EPC1: variants seen among roughly 807,000 people sequenced by gnomAD.
EPC1 encodes the protein enhancer of polycomb 1.
EPC1 carries 12 observed loss-of-function variants against 98.4 expected under a neutral mutation model. That is an observed-to-expected ratio of 0.12 (90% confidence interval 0.08 to 0.20). EPC1 has a LOEUF of 0.20. Ranked by LOEUF, EPC1 falls within the 10% of genes least tolerant of loss-of-function variation. The pLI is 1.00. For missense variants in EPC1, 729 were observed against 990.5 expected (o/e 0.74, Z 3.54); for synonymous variants, 357 against 363.9 (o/e 0.98, Z 0.21).
At chr10:32,359,494 A>C (rs1839377953) in intron 1 of EPC1, among the ~76,000 whole-genome samples, 1 of 152,244 alleles carries the variant, frequency 6.6e-6, no homozygotes, top group South Asian at 2.1e-4. Flanking sequence ...TGAAAGCTGT[A>C]GTTTCCCCAT....
At chr10:32,369,025 A>T (rs1261580383) in intron 1 of EPC1, among the ~76,000 whole-genome samples, 1 of 152,224 alleles carries the variant, frequency 6.6e-6, no homozygotes, top group African/African-American at 2.4e-5. Context: ...GTGTTCTCCT[A>T]ATGTCTGCAA....
At chr10:32,378,426 G>GAAA in intron 1 of EPC1, 1 of 1,364,880 alleles carries the variant, frequency 7.3e-7, no homozygotes, top group Non-Finnish European at 1.0e-6. Flanking sequence ...GAAACACAAT[G>GAAA]AAAATCCTTT....
At chr10:32,332,509 G>A (rs1217390307) in intron 1 of EPC1, among the ~76,000 whole-genome samples, 4 of 152,154 alleles carry the variant, frequency 2.6e-5, no homozygotes, top group South Asian at 4.1e-4. Flanking sequence ...AAAGACTTGC[G>A]TGCTGTCTTA....
intron 1 of EPC1, among the ~76,000 whole-genome samples, chr10:32,341,013 T>C (rs1417707769): frequency 1.3e-5 from 2 of 152,218 alleles, no homozygotes; most frequent in East Asian, 1.9e-4. Context: ...TGAAAGTATG[T>C]CATACTTTCA....
intron 6 of EPC1, among the ~76,000 whole-genome samples, chr10:32,288,120 A>C (rs1018165886): frequency 6.6e-6 from 1 of 152,156 alleles, no homozygotes; most frequent in African/African-American, 2.4e-5. Flanking sequence ...GTAGTTTATG[A>C]CATTATGGTT....
In EPC1 at chr10:32,317,983, C is replaced by T. The variant is rs548342376; in HGVS notation, c.154-12052G>A. 1.8e-4 allele frequency among the ~76,000 whole-genome samples: 28 copies of T among 152,236 alleles called. No individual in the cohort carries two copies. In the East Asian group the frequency reaches 5.4e-3, roughly 29 times the overall value. Reference sequence around the variant, plus strand: ...GACTGAGTAGCACAATAACAGGTGGCCCAGACATGAAGTTTCATTCTGATT... The same window carrying T: ...GACTGAGTAGCACAATAACAGGTGGTCCAGACATGAAGTTTCATTCTGATT... On this transcript the variant is annotated intron_variant, in intron 1 of 13. Transcript: ENST00000319778.
chr10:32,269,800 G>A (rs750349274), intron 13 of EPC1, among the ~76,000 whole-genome samples: 16 of 152,206 alleles, frequency 1.1e-4, no homozygotes, highest in Admixed American at 2.0e-4. Flanking sequence ...GCATTAAGCA[G>A]ACAATGACTG....
chr10:32,370,170 C>T (rs1839707068), intron 1 of EPC1, among the ~76,000 whole-genome samples: 1 of 152,160 alleles, frequency 6.6e-6, no homozygotes, highest in Non-Finnish European at 1.5e-5. Flanking sequence ...AGAGGAGTTA[C>T]AGGGCTGGTT....
chr10:32,355,824 TG>T (rs35914819), intron 1 of EPC1, among the ~76,000 whole-genome samples: 16,189 of 152,198 alleles, frequency 0.11, 947 homozygotes, highest in Admixed American at 0.13. Flanking sequence ...TTGGCCAGGC[TG>T]GTCTTGAACT....
chr10:32,331,777 A>G (rs539097873), intron 1 of EPC1, among the ~76,000 whole-genome samples: 37 of 152,370 alleles, frequency 2.4e-4, no homozygotes, highest in African/African-American at 8.9e-4. Flanking sequence ...ACATAAGTTT[A>G]TAAGTGTTTG....
chr10:32,322,434 A>G (rs1287619849), intron 1 of EPC1, among the ~76,000 whole-genome samples: 7 of 152,214 alleles, frequency 4.6e-5, no homozygotes, highest in Non-Finnish European at 7.3e-5. Flanking sequence ...GTCAGAAGAT[A>G]ACTAAATTAT....
chr10:32,334,059 G>A (rs535092724), intron 1 of EPC1, among the ~76,000 whole-genome samples: 1 of 152,348 alleles, frequency 6.6e-6, no homozygotes, highest in Non-Finnish European at 1.5e-5. Flanking sequence ...GGCGACTGTG[G>A]AGAAACAACC....
chr10:32,321,320 G>A (rs192445487), intron 1 of EPC1, among the ~76,000 whole-genome samples: 2 of 151,962 alleles, frequency 1.3e-5, no homozygotes, highest in African/African-American at 2.4e-5. Context: ...GATTCTTTAC[G>A]GGAAAAGTTT....
chr10:32,277,626 C>A (rs2132660072), intron 10 of EPC1, among the ~76,000 whole-genome samples: 1 of 152,162 alleles, frequency 6.6e-6, no homozygotes, highest in South Asian at 2.1e-4. Context: ...GTGGTGTGAT[C>A]TGGGCTCACT....
At chr10:32,351,917 A>G (rs373868281), upstream of EPC1, among the ~76,000 whole-genome samples, 1 of 146,240 alleles carries the variant, frequency 6.8e-6, no homozygotes, top group Non-Finnish European at 1.5e-5. Flanking sequence ...TTTTTTTAGT[A>G]AGGACAGGGT....
chr10:32,370,996 A>G (rs975812271), intron 1 of EPC1, among the ~76,000 whole-genome samples: 2 of 152,164 alleles, frequency 1.3e-5, no homozygotes, highest in Admixed American at 6.5e-5. Context: ...AAGACCTCCA[A>G]TGGTATGGAA....
At chr10:32,269,395 A>G in intron 13 of EPC1, 1 of 318,368 alleles carries the variant, frequency 3.1e-6, no homozygotes, top group Non-Finnish European at 5.9e-6. Flanking sequence ...TGTTAAAAAC[A>G]AAGAATTCCC....
At position 32,305,816 on chromosome 10, in the gene EPC1, T is replaced by C; in HGVS notation, c.269A>G (p.Tyr90Cys). The C allele has an allele frequency of 6.2e-7, 1 of 1,612,004 alleles. No individual in the cohort carries two copies. The highest frequency in any genetic ancestry group is 8.5e-7 in the Non-Finnish European group (1 of 1,179,214). Residue 90 changes from tyrosine to cysteine, a missense_variant, in exon 2 of 14, where the codon TAT (tyrosine) becomes TGT (cysteine). This residue lies in a region of EPC1 where 94 missense variants were observed against 125.1 expected (regional missense o/e 0.75). Transcript: ENST00000319778. The stretch of plus-strand genomic sequence containing the variant: ...CTTTGGCATCTTAAATTCCCCAGGA[T>C]ATATAGACTCATAGTAAGCAATATT... ...ESNIAYYESI[Y>C]PGEFKMPKQL...
At chr10:32,302,487 A>T (rs995484498) in intron 2 of EPC1, among the ~76,000 whole-genome samples, 1 of 151,152 alleles carries the variant, frequency 6.6e-6, no homozygotes, top group African/African-American at 2.4e-5. Flanking sequence ...ATCTCTACTA[A>T]AACAAAACAA....
Sources: gnomAD v4.1 joint callset for allele counts (sites outside exome capture counted in the v4.1 genomes callset) on GRCh38, gnomAD v4.1.1 for gene constraint, gnomAD v4.1.1 regional missense constraint, MANE v1.5 for transcripts, NCBI Gene and HGNC (gene_info 2026-07-23, HGNC 2026-07-21) for gene names.